Variants in TM7SF3 observed in about 807,000 individuals in gnomAD.
TM7SF3 encodes seven span transmembrane protein.
In TM7SF3, 60 loss-of-function variants were observed where a neutral mutation model predicts 65.5. The ratio of observed to expected loss-of-function variants is 0.92; its 90% CI spans 0.74 to 1.14. The LOEUF (loss-of-function observed/expected upper bound fraction) is 1.14. Among genes scored for constraint, TM7SF3 ranks in the 50% most tolerant of loss-of-function variants. The probability of loss-of-function intolerance (pLI) is 0.00; values close to 1 mark genes in which losing one functional copy is unlikely to be tolerated. For missense variants in TM7SF3, 623 were observed against 684.8 expected (o/e 0.91, Z 1.01); for synonymous variants, 264 against 259.6 (o/e 1.02, Z -0.16).
Position 27,014,277 on chromosome 12 carries a change from G to A in TM7SF3, c.-109C>T, listed in dbSNP as rs1327350239. 5.2e-6 allele frequency: 5 copies of A among 958,018 alleles called. No individual in the cohort carries two copies. Among genetic ancestry groups the A allele is most frequent in the South Asian group, 1.9e-5 (1 of 51,564 alleles). 59.3% of individuals were successfully genotyped at this position (958,018 alleles called of 1,614,324 possible). A position where few individuals can be genotyped will look rare whatever the true frequency, so the allele number is the denominator to read the frequency against. ...CTATCCCGGGGCGCCCGCATCGGGCGCCATCGCCCGCCAGGTGCAGACGCT... is the reference window on the plus strand; with the variant it reads ...CTATCCCGGGGCGCCCGCATCGGGCACCATCGCCCGCCAGGTGCAGACGCT... On this transcript the variant is annotated 5_prime_UTR_variant, in exon 1 of 12. Transcript: ENST00000343028.
intron 1 of TM7SF3, among the ~76,000 whole-genome samples, chr12:27,006,140 C>CTTTTTTTT (rs71437315): frequency 4.1e-5 from 5 of 122,076 alleles, no homozygotes; most frequent in East Asian, 2.4e-4. Flanking sequence ...TTTTCTTTTT[C>CTTTTTTTT]TTTTTTTTTT....
Position 26,980,665 on chromosome 12 carries a change from G to A in TM7SF3, c.956-19C>T. The stretch of plus-strand genomic sequence containing the variant: ...AATAATTCTAAGTGGCAAACCACCA[G>A]GAAAGGAAAAAAGCAAAACAACAAA... On this transcript the variant is annotated intron_variant, in intron 7 of 11. Transcript: ENST00000343028. 5 of 1,429,256 alleles carry A rather than the reference G, an allele frequency of 3.5e-6. No homozygotes were observed. Among genetic ancestry groups the A allele is most frequent in the Middle Eastern group, 1.8e-4 (1 of 5,668 alleles). 88.5% of individuals were successfully genotyped at this position (1,429,256 alleles called of 1,614,324 possible).
chr12:26,997,823 C>CTTT (rs3071165), intron 3 of TM7SF3, among the ~76,000 whole-genome samples: 22,421 of 113,794 alleles, frequency 0.2, 2,313 homozygotes, highest in Admixed American at 0.25. Context: ...TTACCACTTC[C>CTTT]TTTTTTTTTT....
rs994630562 is a variant in TM7SF3, at chr12:27,002,185, G to A, written c.246+1051C>T. Among the ~76,000 whole-genome samples the A allele has an allele frequency of 2.0e-5, 3 of 152,058 alleles. No individual in the cohort carries two copies. The East Asian group carries it at 5.8e-4, about 29-fold the overall frequency. ...TGCCTCTAATATTATATATGGGCTG[G>A]GGCGCAGTGGCTCATGCCTGCAATC... On this transcript the variant is annotated intron_variant, in intron 2 of 11. Coordinates refer to ENST00000343028, the MANE Select transcript of TM7SF3 (RefSeq NM_016551.3).
chr12:26,987,815 A>G (rs1298580364), intron 6 of TM7SF3, among the ~76,000 whole-genome samples: 2 of 152,232 alleles, frequency 1.3e-5, no homozygotes, highest in African/African-American at 2.4e-5. Flanking sequence ...CAGTTACTTC[A>G]GTGGAGAAAC....
rs182596886 is a variant in TM7SF3, at chr12:26,995,619, A to T, written c.519-211T>A. Reference sequence around the variant, plus strand: ...GTCTCCCCAAAATTAATATGCTGAGACCCTCACTCCCAGTGTGATGATATT... The same window carrying T: ...GTCTCCCCAAAATTAATATGCTGAGTCCCTCACTCCCAGTGTGATGATATT... On this transcript the variant is annotated intron_variant, in intron 4 of 11. Coordinates refer to ENST00000343028, the MANE Select transcript of TM7SF3 (RefSeq NM_016551.3). Among the ~76,000 whole-genome samples, 27 of 152,242 alleles carry T rather than the reference A, an allele frequency of 1.8e-4. 1 individual carries two copies. The East Asian group carries it at 4.8e-3, about 27-fold the overall frequency.
At chr12:27,010,373 C>T (rs539589360) in intron 1 of TM7SF3, among the ~76,000 whole-genome samples, 1 of 152,308 alleles carries the variant, frequency 6.6e-6, no homozygotes, top group African/African-American at 2.4e-5. Flanking sequence ...ATGTACAGGG[C>T]ATTCACAGAA....
In TM7SF3 at chr12:26,999,515, A is replaced by C. The variant is rs1370481804; in HGVS notation, c.397+11T>G. On this transcript the variant is annotated intron_variant, in intron 3 of 11. Coordinates refer to ENST00000343028, the MANE Select transcript of TM7SF3 (RefSeq NM_016551.3). ...CAAAGAGTAAGAGGGAGGAGAAGAC[A>C]GAAGGGTTACCTCTTTCTGAGTAGG... The C allele has an allele frequency of 1.9e-6, 3 of 1,613,700 alleles. No homozygotes were observed. Among genetic ancestry groups the C allele is most frequent in the Non-Finnish European group, 2.5e-6 (3 of 1,179,764 alleles).
intron 2 of TM7SF3, among the ~76,000 whole-genome samples, chr12:27,002,195 G>C (rs1307588250): frequency 6.6e-6 from 1 of 152,142 alleles, no homozygotes; most frequent in Non-Finnish European, 1.5e-5. Context: ...GGGCGCAGTG[G>C]CTCATGCCTG....
chr12:26,976,267 A>G lies in TM7SF3; in HGVS notation c.1280T>C (p.Leu427Pro). 1 of 1,606,524 alleles carries G rather than the reference A, an allele frequency of 6.2e-7. No individual in the cohort carries two copies. Among genetic ancestry groups the G allele is most frequent in the South Asian group, 1.1e-5 (1 of 90,914 alleles). The change falls in exon 10 of 12, where the codon CTA becomes CCA. Residue 427 changes from leucine to proline, a missense_variant. Transcript: ENST00000343028. ...ILIPVVFMGC[L>P]RILNILTCGV... ...TTTTGATGAAACACTTACTATTCTTAGGCAGCCCATGAAAACTACTGGAAT... is the reference window on the plus strand; with the variant it reads ...TTTTGATGAAACACTTACTATTCTTGGGCAGCCCATGAAAACTACTGGAAT...
rs571480039 is a variant in TM7SF3, at chr12:26,985,532, C to A, written c.869-2673G>T. Among the ~76,000 whole-genome samples, 7 of 144,566 alleles carry A rather than the reference C, an allele frequency of 4.8e-5. No individual in the cohort carries two copies. The East Asian group carries it at 1.5e-3, about 31-fold the overall frequency. 94.8% of individuals were successfully genotyped at this position (144,566 alleles called of 152,430 possible). A position where few individuals can be genotyped will look rare whatever the true frequency, so the allele number is the denominator to read the frequency against. ...CCCAGATACTCTGGAGGCTGAGGTA[C>A]GTGAATTACTTGAACCTGAGAGGCA... is the stretch of plus-strand genomic sequence containing the variant. On this transcript the variant is annotated intron_variant, in intron 6 of 11. Transcript: ENST00000343028.
chr12:26,977,748 C>T (rs560906346), intron 9 of TM7SF3, among the ~76,000 whole-genome samples: 2 of 147,792 alleles, frequency 1.4e-5, no homozygotes, highest in Admixed American at 6.8e-5. Context: ...AGTGAGACTC[C>T]GTCTCAGGAA....
chr12:27,004,820 A>C (rs1220976268), intron 1 of TM7SF3, among the ~76,000 whole-genome samples: 1 of 152,202 alleles, frequency 6.6e-6, no homozygotes, highest in Admixed American at 6.5e-5. Flanking sequence ...CTCTAGAGAA[A>C]ATTGTAATAG....
In TM7SF3 at chr12:26,975,667, G is replaced by A. The variant is rs748760227; in HGVS notation, c.1288-9C>T. ...CAAGTCAGTATGTTCAGCTGTGGAA[G>A]AGTGGAAGAGTTTAGGCATCATCCA... is the stretch of plus-strand genomic sequence containing the variant. On this transcript the variant is annotated splice_polypyrimidine_tract_variant and intron_variant, in intron 10 of 11. Coordinates refer to ENST00000343028, the MANE Select transcript of TM7SF3 (RefSeq NM_016551.3). 13 of 1,613,312 alleles carry A rather than the reference G, an allele frequency of 8.1e-6. No individual in the cohort carries two copies. The East Asian group carries it at 2.7e-4, about 33-fold the overall frequency.
At chr12:26,991,513 T>C (rs1940368752) in intron 5 of TM7SF3, among the ~76,000 whole-genome samples, 1 of 152,248 alleles carries the variant, frequency 6.6e-6, no homozygotes, top group African/African-American at 2.4e-5. Context: ...AAATGCTTTA[T>C]AGAACCATAA....
At chr12:26,980,677 A>G (rs1939776432) in intron 7 of TM7SF3, 31 bp from the exon 8 acceptor site, 4 of 1,232,936 alleles carry the variant, frequency 3.2e-6, no homozygotes. Flanking sequence ...AAAGGAAAAA[A>G]GCAAAACAAC....
At chr12:27,000,333 T>C (rs1246656886) in intron 2 of TM7SF3, among the ~76,000 whole-genome samples, 3 of 152,230 alleles carry the variant, frequency 2.0e-5, no homozygotes, top group Non-Finnish European at 2.9e-5. Flanking sequence ...CTATGTCAAA[T>C]AATGTTTTAT....
chr12:27,012,923 G>A (rs1941301494), intron 1 of TM7SF3: 2 of 342,326 alleles, frequency 5.8e-6, no homozygotes, highest in African/African-American at 2.2e-5. Flanking sequence ...GCTTGAACCC[G>A]GGTGTCGGAG....
chr12:27,004,544 C>T (rs1940958224), intron 1 of TM7SF3, among the ~76,000 whole-genome samples: 1 of 151,954 alleles, frequency 6.6e-6, no homozygotes, highest in African/African-American at 2.4e-5. Context: ...TTCTTATATA[C>T]CATGTCCCAA....
Sources: gnomAD v4.1 joint callset for allele counts (sites outside exome capture counted in the v4.1 genomes callset) on GRCh38, gnomAD v4.1.1 for gene constraint, MANE v1.5 for transcripts, NCBI Gene and HGNC (gene_info 2026-07-23, HGNC 2026-07-21) for gene names.